MACF1: variants seen among roughly 807,000 people sequenced by gnomAD.
MACF1 encodes microtubule-actin cross-linking factor 1.
In MACF1, 193 loss-of-function variants were observed where a neutral mutation model predicts 854.8. The ratio of observed to expected loss-of-function variants is 0.23; its 90% CI spans 0.20 to 0.25. MACF1 has a LOEUF of 0.25. Among genes scored for constraint, MACF1 ranks in the 10% least tolerant of loss-of-function variants. The pLI is 1.00. For missense variants in MACF1, 7,722 were observed against 8,929.1 expected, an observed-to-expected ratio of 0.86 and a Z score of 5.45; for synonymous variants, 3,185 against 3,226.7, an observed-to-expected ratio of 0.99 and a Z score of 0.44.
intron 66 of MACF1, 111 bp from the exon 67 acceptor site, chr1:39,432,424 G>T: frequency 1.1e-6 from 1 of 886,394 alleles, no homozygotes; most frequent in East Asian, 2.7e-5. Context: ...TACTTTGTGA[G>T]ATATAAACTG....
intron 2 of MACF1, 194 bp from the exon 3 acceptor site, chr1:39,249,820 C>T (rs866774301): frequency 2.8e-5 from 13 of 461,166 alleles, no homozygotes; most frequent in Non-Finnish European, 4.6e-5. Flanking sequence ...AAAAAACACA[C>T]ACGTTTCTGG....
rs1374719240 is a variant in MACF1 at position 39,323,014 on chromosome 1, G to T, written c.4236+6G>T. 2 of 1,613,498 alleles carry T rather than the reference G, an allele frequency of 1.2e-6. No homozygotes were observed. Among genetic ancestry groups the T allele is most frequent in the Admixed American group, 3.3e-5 (2 of 59,994 alleles). On this transcript the variant is annotated splice_donor_region_variant and intron_variant, in intron 33 of 100. Coordinates refer to ENST00000564288, the MANE Select transcript of MACF1 (RefSeq NM_001394062.1). ...GGCGTCTGGAGGAGGAGGAGGTGAG[G>T]ACAGTTGGGTCCAAAGTCATCTTGA...
chr1:39,174,127 C>T (rs1318137595), intron 2 of MACF1, among the ~76,000 whole-genome samples: 1 of 152,178 alleles, frequency 6.6e-6, no homozygotes, highest in Non-Finnish European at 1.5e-5. Flanking sequence ...GCCTTTCTTT[C>T]TTCCTGTCTT....
rs569661783 is a variant in MACF1 at position 39,391,468 on chromosome 1, T to C, written c.15816+2810T>C. 4.2e-4 allele frequency among the ~76,000 whole-genome samples: 64 copies of C among 152,328 alleles called. No individual in the cohort carries two copies. The South Asian group carries it at 4.8e-3, about 11-fold the overall frequency. ...GGGATTTCTGCCCACCACCATGATA[T>C]TGGTTATTATTTCCTACTGCTATCA... On this transcript the variant is annotated intron_variant, in intron 58 of 100. Transcript: ENST00000564288.
intron 23 of MACF1, among the ~76,000 whole-genome samples, chr1:39,304,100 A>G (rs980654521): frequency 2.7e-5 from 4 of 149,402 alleles, no homozygotes; most frequent in Non-Finnish European, 4.4e-5. Flanking sequence ...TACATGTGCC[A>G]TGTTGGTGTG....
At chr1:39,461,526 C>T (rs1006796558) in intron 92 of MACF1, among the ~76,000 whole-genome samples, 14 of 152,004 alleles carry the variant, frequency 9.2e-5, no homozygotes, top group Non-Finnish European at 1.6e-4. Flanking sequence ...TGGTGGCTCG[C>T]GCCTGTAATC....
At chr1:39,096,610 A>G (rs1024880817) in intron 2 of MACF1, among the ~76,000 whole-genome samples, 1 of 151,800 alleles carries the variant, frequency 6.6e-6, no homozygotes, top group Non-Finnish European at 1.5e-5. Flanking sequence ...AAAAAATCAG[A>G]AAGTTCCCGT....
At chr1:39,459,036 C>T in intron 90 of MACF1, 50 bp from the exon 91 acceptor site, 2 of 1,492,400 alleles carry the variant, frequency 1.3e-6, no homozygotes, top group Non-Finnish European at 1.8e-6. Context: ...AGCTATTTCT[C>T]TTTGTATACT....
In MACF1 at chr1:39,333,890, T is replaced by C. The variant is rs1646769471; in HGVS notation, c.7302T>C (p.Ala2434=). The change falls in exon 37 of 101, where the codon GCT becomes GCC. Residue 2434 remains alanine, a synonymous_variant. Transcript: ENST00000564288. ...LASTLGLVDV[A]DQPELINLEK... ...CAACTCTTGGCTTGGTGGACGTTGC[T>C]GACCAGCCAGAACTTATAAATCTGG... 2 of 1,614,202 alleles carry C rather than the reference T, an allele frequency of 1.2e-6. No homozygotes were observed. Among genetic ancestry groups the C allele is most frequent in the South Asian group, 2.2e-5 (2 of 91,086 alleles).
At chr1:39,477,135 T>TACAC (rs1553458204) in intron 97 of MACF1, among the ~76,000 whole-genome samples, 1,685 of 103,336 alleles carry the variant, frequency 0.016, 148 homozygotes, top group African/African-American at 0.052. Context: ...TATATATATA[T>TACAC]ACACACACAC....
At chr1:39,115,147 G>A (rs1278454541) in intron 2 of MACF1, among the ~76,000 whole-genome samples, 1 of 152,172 alleles carries the variant, frequency 6.6e-6, no homozygotes, top group Non-Finnish European at 1.5e-5. Context: ...ATAAAAGTAG[G>A]CAAGGAAGAC....
intron 23 of MACF1, chr1:39,304,423 A>T: frequency 3.2e-6 from 4 of 1,256,716 alleles, no homozygotes; most frequent in Non-Finnish European, 3.4e-6. Flanking sequence ...TAACTGGTTG[A>T]CCCTCTCCAC....
At chr1:39,232,764 T>G (rs34910621) in intron 2 of MACF1, among the ~76,000 whole-genome samples, 4,423 of 124,038 alleles carry the variant, frequency 0.036, 222 homozygotes, top group African/African-American at 0.11. Flanking sequence ...TTTTTTTTTT[T>G]TTTTGTTTGT....
At chr1:39,372,890 C>A in intron 52 of MACF1, 1 of 298,454 alleles carries the variant, frequency 3.4e-6, no homozygotes, top group Non-Finnish European at 6.3e-6. Flanking sequence ...TGAGAATTTC[C>A]CTTTTTTGAA....
At chr1:39,113,487 A>G (rs538604739) in intron 2 of MACF1, among the ~76,000 whole-genome samples, 1 of 152,220 alleles carries the variant, frequency 6.6e-6, no homozygotes, top group African/African-American at 2.4e-5. Flanking sequence ...AGGGAATCCA[A>G]CAGTACATCT....
chr1:39,248,016 G>A (rs1354812728), intron 2 of MACF1, among the ~76,000 whole-genome samples: 1 of 152,144 alleles, frequency 6.6e-6, no homozygotes, highest in African/African-American at 2.4e-5. Flanking sequence ...GCAAGACTCT[G>A]TCTCAAAAAA....
At chr1:39,307,067 G>T (rs1233029854) in intron 23 of MACF1, among the ~76,000 whole-genome samples, 2 of 151,710 alleles carry the variant, frequency 1.3e-5, no homozygotes, top group Non-Finnish European at 2.9e-5. Context: ...TAAAGACAGG[G>T]TTTCACCATG....
At chr1:39,257,241 T>C (rs1331049403) in intron 5 of MACF1, among the ~76,000 whole-genome samples, 1 of 152,238 alleles carries the variant, frequency 6.6e-6, no homozygotes, top group East Asian at 1.9e-4. Context: ...AGGAGCAAAC[T>C]GTTGATTCAT....
intron 58 of MACF1, among the ~76,000 whole-genome samples, chr1:39,415,460 C>T (rs577220607): frequency 1.3e-5 from 2 of 149,456 alleles, no homozygotes; most frequent in African/African-American, 2.4e-5. Flanking sequence ...CTCAGCCTCC[C>T]GAGTAGCTGG....
Sources: gnomAD v4.1 joint callset for allele counts (sites outside exome capture counted in the v4.1 genomes callset) on GRCh38, gnomAD v4.1.1 for gene constraint, MANE v1.5 for transcripts, NCBI Gene and HGNC (gene_info 2026-07-23, HGNC 2026-07-21) for gene names.